The following INSL6 variants were observed in gnomAD, a reference collection of about 807,000 sequenced individuals.
The protein encoded by INSL6 is insulin like 6.
Under a neutral mutation model 9.4 loss-of-function variants are expected in INSL6, and 16 were observed. The observed-to-expected ratio is 1.70, with a 90% CI of 1.15 to 2.59. The LOEUF (loss-of-function observed/expected upper bound fraction) is 2.59, where lower values mean the gene tolerates loss of function less well. INSL6 is among the 30% of genes most tolerant of loss of function. INSL6 has a pLI of 0.00. For synonymous variants in INSL6, 154 were observed against 96.9 expected (o/e 1.59, Z -3.46); for missense variants, 391 against 257.3 (o/e 1.52, Z -3.56).
At chr9:5,126,347 G>A (rs1168371792) in intron 3 of INSL6, 2 of 1,605,282 alleles carry the variant, frequency 1.2e-6, no homozygotes, top group South Asian at 2.2e-5. Context: ...TTATGCGTAT[G>A]ATTGGCAATG....
the INSL6 span, among the ~76,000 whole-genome samples, chr9:5,031,957 G>A: frequency 6.5e-3 from 984 of 152,350 alleles, 7 homozygotes; most frequent in African/African-American, 0.022. Flanking sequence ...GAAGCAGGGC[G>A]AGGCATCGCC....
chr9:5,104,229 G>A, the INSL6 span, among the ~76,000 whole-genome samples: 1 of 152,002 alleles, frequency 6.6e-6, no homozygotes, highest in Non-Finnish European at 1.5e-5. Context: ...TGGTAAAGGG[G>A]ATATCACCAC....
intron 2 of INSL6, among the ~76,000 whole-genome samples, chr9:5,141,366 T>C (rs1042439377): frequency 1.3e-5 from 2 of 152,100 alleles, no homozygotes; most frequent in African/African-American, 4.8e-5. Context: ...CACCAGCATA[T>C]GTGTTTTGAC....
the INSL6 span, chr9:5,109,900 G>T: frequency 2.0e-5 from 3 of 152,146 alleles, no homozygotes; most frequent in Non-Finnish European, 1.5e-5. Context: ...GGATGAGAAG[G>T]TATAGGAATC....
chr9:5,097,848 T>C, the INSL6 span: 2 of 152,332 alleles, frequency 1.3e-5, no homozygotes, highest in African/African-American at 4.8e-5. Flanking sequence ...TTACCACTGG[T>C]TCCCCCATTC....
In INSL6 at chr9:5,185,635, G is replaced by A. The variant is rs932957027; in HGVS notation, c.-33C>T. The A allele has an allele frequency of 6.3e-7, 1 of 1,588,050 alleles. No homozygotes were observed. Among genetic ancestry groups the A allele is most frequent in the Non-Finnish European group, 8.6e-7 (1 of 1,169,094 alleles). On this transcript the variant is annotated 5_prime_UTR_variant, in exon 1 of 2. Coordinates refer to ENST00000381641, the MANE Select transcript of INSL6 (RefSeq NM_007179.3). ...ACCCCAGGCTAGTCCTCCGCGTTGT[G>A]CAATGGCGGTCGGCCGGACCCTGCT...
the INSL6 span, chr9:5,041,619 C>T: frequency 2.8e-5 from 14 of 496,794 alleles, no homozygotes; most frequent in Non-Finnish European, 4.9e-5. Context: ...TGACTACATG[C>T]GGCGCCTGGA....
chr9:5,112,136 G>A, the INSL6 span: 4 of 310,388 alleles, frequency 1.3e-5, no homozygotes, highest in Non-Finnish European at 1.9e-5. Context: ...CACGCCATGG[G>A]CACGGCTAGC....
At chr9:5,029,726 A>G in the INSL6 span, 9 of 1,428,878 alleles carry the variant, frequency 6.3e-6, no homozygotes, top group Admixed American at 1.8e-4. Flanking sequence ...TATAGGTGCT[A>G]TGTAAAAATA....
chr9:5,034,519 A>G, the INSL6 span, among the ~76,000 whole-genome samples: 1 of 152,106 alleles, frequency 6.6e-6, no homozygotes, highest in African/African-American at 2.4e-5. Context: ...GTAAAAGAAC[A>G]GAAATTATAA....
intron 3 of INSL6, chr9:5,132,173 G>A (rs1338142259): frequency 6.6e-6 from 1 of 152,148 alleles, no homozygotes; most frequent in Non-Finnish European, 1.5e-5. Context: ...TATTCCTTAA[G>A]AAGGCACCAT....
At chr9:5,126,633 A>G in intron 3 of INSL6, 1 of 1,301,044 alleles carries the variant, frequency 7.7e-7, no homozygotes, top group Non-Finnish European at 1.1e-6. Flanking sequence ...CCACCAATTA[A>G]AAGATGGCCC....
the INSL6 span, chr9:5,084,876 A>G: frequency 1.1e-4 from 43 of 402,400 alleles, no homozygotes; most frequent in African/African-American, 8.1e-4. Context: ...TTGCCCATCA[A>G]TAAGTTTGAT....
the INSL6 span, among the ~76,000 whole-genome samples, chr9:5,087,487 A>G: frequency 2.1e-5 from 1 of 48,662 alleles, no homozygotes; most frequent in African/African-American, 2.2e-4. Flanking sequence ...CCCTTACTTG[A>G]TTTCTTTCCT....
At chr9:5,025,356 A>G in the INSL6 span, among the ~76,000 whole-genome samples, 1 of 152,182 alleles carries the variant, frequency 6.6e-6, no homozygotes, top group Non-Finnish European at 1.5e-5. Context: ...GTGATAGTAT[A>G]CTTAAGATGG....
chr9:5,080,468 T>A, the INSL6 span: 6 of 1,539,812 alleles, frequency 3.9e-6, no homozygotes, highest in African/African-American at 5.6e-5. Context: ...GCCCATCTAA[T>A]TTTAAAAAGA....
downstream of INSL6, among the ~76,000 whole-genome samples, chr9:5,160,643 C>T (rs1007496111): frequency 2.6e-5 from 4 of 151,824 alleles, no homozygotes; most frequent in Admixed American, 2.0e-4. Flanking sequence ...AAAAGATCAA[C>T]GAAACACAAA....
chr9:4,996,590 G>A, the INSL6 span, among the ~76,000 whole-genome samples: 13 of 151,780 alleles, frequency 8.6e-5, no homozygotes, highest in African/African-American at 2.7e-4. Flanking sequence ...AGGGGCGGGG[G>A]TGATGTGAAA....
the INSL6 span, chr9:5,080,518 G>C: frequency 6.4e-7 from 1 of 1,572,000 alleles, no homozygotes; most frequent in East Asian, 2.2e-5. Context: ...TCAGTTTGTG[G>C]TTCTTTAATT....
Sources: gnomAD v4.1 joint callset for allele counts (sites outside exome capture counted in the v4.1 genomes callset) on GRCh38, gnomAD v4.1.1 for gene constraint, MANE v1.5 for transcripts, NCBI Gene and HGNC (gene_info 2026-07-23, HGNC 2026-07-21) for gene names.